The following AGBL4 variants were observed in gnomAD, a reference collection of about 807,000 sequenced individuals.
AGBL4 encodes cytosolic carboxypeptidase 6.
In AGBL4, 58 loss-of-function variants were observed where a neutral mutation model predicts 66.4. The observed-to-expected ratio is 0.87, with a 90% CI of 0.71 to 1.09. The LOEUF (loss-of-function observed/expected upper bound fraction) is 1.09, where lower values mean the gene tolerates loss of function less well. AGBL4 is among the 50% of genes least tolerant of loss of function. The probability of loss-of-function intolerance (pLI) is 0.00; values close to 1 mark genes in which losing one functional copy is unlikely to be tolerated. For synonymous variants in AGBL4, 234 were observed against 222.9 expected (o/e 1.05, Z -0.44); for missense variants, 579 against 631.0 (o/e 0.92, Z 0.88).
intron 6 of AGBL4, among the ~76,000 whole-genome samples, chr1:48,851,433 A>G (rs1558039839): frequency 6.6e-6 from 1 of 152,200 alleles, no homozygotes; most frequent in Non-Finnish European, 1.5e-5. Context: ...CAGGGGCCAG[A>G]GCATGGAAGG....
At chr1:49,676,839 C>T (rs1401966254) in intron 3 of AGBL4, among the ~76,000 whole-genome samples, 1 of 151,970 alleles carries the variant, frequency 6.6e-6, no homozygotes, top group Non-Finnish European at 1.5e-5. Context: ...GCCTGGCTAA[C>T]CATAGATAGT....
intron 9 of AGBL4, among the ~76,000 whole-genome samples, chr1:48,592,741 A>G (rs143214614): frequency 4.3e-4 from 66 of 152,274 alleles, no homozygotes; most frequent in African/African-American, 1.5e-3. Context: ...CTTGGAAACC[A>G]GTTTCTCTGA....
At chr1:49,732,095 G>A (rs986863802) in intron 2 of AGBL4, among the ~76,000 whole-genome samples, 1 of 152,098 alleles carries the variant, frequency 6.6e-6, no homozygotes, top group Non-Finnish European at 1.5e-5. Flanking sequence ...CACTTCCAGG[G>A]GTATTGTCAG....
intron 1 of AGBL4, among the ~76,000 whole-genome samples, chr1:49,951,362 G>T (rs1656143498): frequency 6.6e-6 from 1 of 151,844 alleles, no homozygotes; most frequent in Non-Finnish European, 1.5e-5. Flanking sequence ...ACACATGTGT[G>T]CCTGATAACA....
chr1:49,497,371 C>T (rs1012484823), intron 3 of AGBL4, among the ~76,000 whole-genome samples: 3 of 151,894 alleles, frequency 2.0e-5, no homozygotes, highest in East Asian at 3.9e-4. Context: ...TTAATTTTGA[C>T]GTAATTACAT....
intron 5 of AGBL4, among the ~76,000 whole-genome samples, chr1:48,921,263 CAT>C (rs778259852): frequency 6.6e-6 from 1 of 152,176 alleles, no homozygotes; most frequent in Non-Finnish European, 1.5e-5. Flanking sequence ...TGTGGCAAAA[CAT>C]AGGACCTTTG....
chr1:48,539,747 G>A lies in AGBL4; in HGVS notation c.1268-9C>T, dbSNP rs1370685767. 3.3e-6 allele frequency: 5 copies of A among 1,515,606 alleles called. No homozygotes were observed. The highest frequency in any genetic ancestry group is 2.1e-5 in the Admixed American group (1 of 48,292). The allele number at this position is 1,515,606 out of a possible 1,614,324, so 93.9% of individuals were successfully genotyped here. On this transcript the variant is annotated splice_polypyrimidine_tract_variant and intron_variant, in intron 11 of 13. Transcript: ENST00000371839. ...CCGCCCCAGCTTCATATCTGCAGGT[G>A]TGTGCATTAAGGAGCAACTTCGAAA...
chr1:49,169,944 G>C (rs955413893), intron 4 of AGBL4, among the ~76,000 whole-genome samples: 2 of 151,972 alleles, frequency 1.3e-5, no homozygotes, highest in African/African-American at 4.8e-5. Context: ...GTATGCAAAG[G>C]CATACTGAGT....
chr1:49,736,145 T>G (rs1649874548), intron 2 of AGBL4, among the ~76,000 whole-genome samples: 1 of 151,988 alleles, frequency 6.6e-6, no homozygotes, highest in Non-Finnish European at 1.5e-5. Context: ...CCTGAAAACT[T>G]CCCAAATTTG....
intron 2 of AGBL4, among the ~76,000 whole-genome samples, chr1:49,840,103 T>A (rs1571688303): frequency 6.6e-6 from 1 of 151,084 alleles, no homozygotes. Flanking sequence ...TGGTCCAGGG[T>A]TTTTTTTTGG....
At chr1:49,589,649 A>G (rs1420608524) in intron 3 of AGBL4, among the ~76,000 whole-genome samples, 5 of 152,152 alleles carry the variant, frequency 3.3e-5, no homozygotes, top group Non-Finnish European at 5.9e-5. Context: ...TTAAAATTGC[A>G]TGAGATTGGA....
chr1:49,357,349 G>A (rs528323784), intron 3 of AGBL4, among the ~76,000 whole-genome samples: 17 of 152,150 alleles, frequency 1.1e-4, no homozygotes, highest in South Asian at 8.3e-4. Context: ...CTGTACATAC[G>A]GAGATGAATT....
intron 5 of AGBL4, among the ~76,000 whole-genome samples, chr1:49,003,193 T>TCAAG (rs1571204356): frequency 1.3e-5 from 2 of 152,058 alleles, no homozygotes; most frequent in East Asian, 3.9e-4. Context: ...ACGTCAAGGG[T>TCAAG]TCACGACCAC....
chr1:49,335,804 C>G (rs566257389), intron 3 of AGBL4, among the ~76,000 whole-genome samples: 25 of 152,104 alleles, frequency 1.6e-4, no homozygotes, highest in Non-Finnish European at 2.8e-4. Flanking sequence ...CGTGAGCCAC[C>G]GTGCCTGGCC....
At chr1:48,664,424 G>C (rs1024738621) in intron 6 of AGBL4, among the ~76,000 whole-genome samples, 6 of 152,162 alleles carry the variant, frequency 3.9e-5, no homozygotes, top group Non-Finnish European at 7.3e-5. Context: ...AGGAGAATGA[G>C]AATTCAGACG....
Position 48,774,790 on chromosome 1 carries a change from GCA to G in AGBL4, c.634+92399_634+92400del, listed in dbSNP as rs529815112. The stretch of plus-strand genomic sequence containing the variant: ...CTCTCTGCAGTGCCTGAAGAGTCAA[GCA>G]CAGTGTATATGTATGTTTGCTGAAT... On this transcript the variant is annotated intron_variant, in intron 6 of 13. Coordinates refer to ENST00000371839, the MANE Select transcript of AGBL4 (RefSeq NM_032785.4). 2.6e-5 allele frequency among the ~76,000 whole-genome samples: 4 copies of G among 152,290 alleles called. No homozygotes were observed. In the South Asian group the frequency reaches 8.3e-4, roughly 32 times the overall value.
At chr1:49,854,610 C>T (rs1397711651) in intron 1 of AGBL4, among the ~76,000 whole-genome samples, 1 of 152,098 alleles carries the variant, frequency 6.6e-6, no homozygotes, top group African/African-American at 2.4e-5. Context: ...TACCCTGGGG[C>T]CCAGCTGCTC....
intron 3 of AGBL4, among the ~76,000 whole-genome samples, chr1:49,587,657 T>G (rs982269989): frequency 2.0e-5 from 3 of 152,152 alleles, no homozygotes; most frequent in African/African-American, 7.2e-5. Context: ...AAGTCTGGCA[T>G]CATGTTGCTA....
At chr1:49,440,074 T>TC (rs1450851592) in intron 3 of AGBL4, among the ~76,000 whole-genome samples, 3 of 149,636 alleles carry the variant, frequency 2.0e-5, no homozygotes, top group African/African-American at 7.4e-5. Flanking sequence ...CTCTACTTTT[T>TC]TTTTTTTTTT....
Sources: gnomAD v4.1 joint callset for allele counts (sites outside exome capture counted in the v4.1 genomes callset) on GRCh38, gnomAD v4.1.1 for gene constraint, MANE v1.5 for transcripts, NCBI Gene and HGNC (gene_info 2026-07-23, HGNC 2026-07-21) for gene names.